Variants in MCM9 observed in about 807,000 individuals in gnomAD.
MCM9 encodes minichromosome maintenance 9 homologous recombination repair factor.
MCM9 carries 55 observed loss-of-function variants against 72.8 expected under a neutral mutation model. The observed-to-expected ratio is 0.76, with a 90% CI of 0.61 to 0.95. The LOEUF (loss-of-function observed/expected upper bound fraction) is 0.95. Among genes scored for constraint, MCM9 ranks in the 40% least tolerant of loss-of-function variants. MCM9 has a pLI of 0.00. For synonymous variants in MCM9, 480 were observed against 503.4 expected (o/e 0.95, Z 0.62); for missense variants, 1,279 against 1,377.0 (o/e 0.93, Z 1.13).
In MCM9 at chr6:118,911,643, A is replaced by G. The variant is rs777717167; in HGVS notation, c.1150+7T>C. The G allele has an allele frequency of 1.4e-5, 23 of 1,606,338 alleles. 1 individual carries two copies. The South Asian group carries it at 2.6e-4, about 18-fold the overall frequency. On this transcript the variant is annotated splice_region_variant and intron_variant, in intron 8 of 13. Transcript: ENST00000619706. ...GTTAAATTACTTGAAATTGTCACATACAATACCTGCACTAGTAGATCCAAT... is the reference window on the plus strand; with the variant it reads ...GTTAAATTACTTGAAATTGTCACATGCAATACCTGCACTAGTAGATCCAAT...
intron 8 of MCM9, among the ~76,000 whole-genome samples, chr6:118,862,743 C>T (rs1193633319): frequency 1.3e-5 from 2 of 152,140 alleles, no homozygotes; most frequent in South Asian, 4.1e-4. Flanking sequence ...CGGTTCCTAA[C>T]AGGCCATGGT....
chr6:118,826,333 C>G (rs749830858), intron 12 of MCM9, 41 bp from the exon 13 acceptor site: 4 of 1,535,556 alleles, frequency 2.6e-6, no homozygotes, highest in East Asian at 2.4e-5. Flanking sequence ...ACCAGGCCAG[C>G]CTGCATAGCG....
At chr6:118,841,948 C>T (rs1775401973) in intron 9 of MCM9, among the ~76,000 whole-genome samples, 1 of 151,926 alleles carries the variant, frequency 6.6e-6, no homozygotes, top group Non-Finnish European at 1.5e-5. Context: ...GATTCTCCTG[C>T]CTCAGCCTCC....
intron 5 of MCM9, chr6:118,918,487 G>T (rs1162048990): frequency 6.6e-6 from 1 of 152,230 alleles, no homozygotes; most frequent in Non-Finnish European, 1.5e-5. Context: ...AAGAGGCCCT[G>T]GGTAGTTTAT....
intron 8 of MCM9, among the ~76,000 whole-genome samples, chr6:118,869,599 C>CAAAAAAAAAAAAAAAAAAAAAAAAAAAAA: frequency 6.9e-5 from 4 of 58,308 alleles, no homozygotes; most frequent in Admixed American, 2.3e-4. Flanking sequence ...AAAGGATTTA[C>CAAAAAAAAAAAAAAAAAAAAAAAAAAAAA]AAAAAAAAAA....
intron 9 of MCM9, among the ~76,000 whole-genome samples, chr6:118,839,570 T>C (rs1775209176): frequency 6.6e-6 from 1 of 152,212 alleles, no homozygotes; most frequent in Non-Finnish European, 1.5e-5. Flanking sequence ...TTTATCTACC[T>C]ACAGTCTTTG....
At chr6:118,824,035 C>CTT (rs137881254) in intron 13 of MCM9, among the ~76,000 whole-genome samples, 26 of 54,338 alleles carry the variant, frequency 4.8e-4, no homozygotes, top group African/African-American at 1.9e-3. Context: ...GCAAACCCAC[C>CTT]TTTTTTTTTT....
intron 8 of MCM9, among the ~76,000 whole-genome samples, chr6:118,896,639 T>G (rs544152862): frequency 2.0e-5 from 3 of 152,298 alleles, no homozygotes; most frequent in African/African-American, 7.2e-5. Context: ...AGCATTTATT[T>G]AGTATTTTAA....
chr6:118,901,730 TA>T (rs2114525537), intron 8 of MCM9, among the ~76,000 whole-genome samples: 1 of 152,362 alleles, frequency 6.6e-6, no homozygotes, highest in African/African-American at 2.4e-5. Flanking sequence ...ATAGGTTTTT[TA>T]AAACTACTAT....
At chr6:118,837,519 C>A (rs1316335925) in intron 9 of MCM9, among the ~76,000 whole-genome samples, 3 of 152,140 alleles carry the variant, frequency 2.0e-5, no homozygotes, top group East Asian at 3.8e-4. Flanking sequence ...TTCTGTAGGT[C>A]TCTAAGAACT....
chr6:118,879,171 T>C (rs1778126621), intron 8 of MCM9, among the ~76,000 whole-genome samples: 1 of 152,022 alleles, frequency 6.6e-6, no homozygotes, highest in Admixed American at 6.6e-5. Context: ...ACATGAATCC[T>C]GCCTTGTGAG....
rs534905353 is a variant in MCM9 at position 118,826,224 on chromosome 6, G to C, written c.1884C>G (p.Tyr628Ter). The change falls in exon 13 of 14, where the codon TAC becomes TAG. Residue 628 changes from tyrosine to a stop codon, truncating the protein, a stop_gained. Transcript: ENST00000619706. LOFTEE classifies it high-confidence loss of function. ...CCAGAATAAGTTCACACTGTCTCTG[G>C]TACTGCTCTCCAGGGTTTTCAGGAA... ...TSFPENPGEQ[Y>*]QRQCELILEK... The C allele has an allele frequency of 6.4e-7, 1 of 1,550,438 alleles. No homozygotes were observed. Among genetic ancestry groups the C allele is most frequent in the African/African-American group, 1.4e-5 (1 of 73,084 alleles).
At chr6:118,900,855 G>A (rs755432972) in intron 8 of MCM9, 3 of 1,612,556 alleles carry the variant, frequency 1.9e-6, no homozygotes, top group South Asian at 1.1e-5. Context: ...TCCTGTTCCC[G>A]CAGGAAGGCA....
At chr6:118,847,128 A>G (rs1775921516) in intron 9 of MCM9, among the ~76,000 whole-genome samples, 1 of 151,894 alleles carries the variant, frequency 6.6e-6, no homozygotes, top group Non-Finnish European at 1.5e-5. Context: ...GAAGAAAGAA[A>G]TGGATGTAAA....
At chr6:118,838,159 C>CTTTTTT (rs759862698) in intron 9 of MCM9, among the ~76,000 whole-genome samples, 2 of 119,696 alleles carry the variant, frequency 1.7e-5, no homozygotes, top group African/African-American at 3.2e-5. Context: ...GTTGAAAATT[C>CTTTTTT]TTTTTTTTTT....
At chr6:118,844,175 A>AT (rs1775698908) in intron 9 of MCM9, among the ~76,000 whole-genome samples, 1 of 151,926 alleles carries the variant, frequency 6.6e-6, no homozygotes, top group African/African-American at 2.4e-5. Context: ...CTCTAGAGAC[A>AT]TTTTCTCAAG....
At chr6:118,819,545 C>T (rs1202117973) in intron 13 of MCM9, among the ~76,000 whole-genome samples, 1 of 152,164 alleles carries the variant, frequency 6.6e-6, no homozygotes, top group East Asian at 1.9e-4. Flanking sequence ...AGGATTTTCA[C>T]ATCAATGTTC....
chr6:118,825,996 G>A (rs1371041823), intron 13 of MCM9, 151 bp downstream of exon 13: 1 of 711,782 alleles, frequency 1.4e-6, no homozygotes, highest in Non-Finnish European at 2.1e-6. Flanking sequence ...AACTGAAACA[G>A]TCTCCTATAG....
In MCM9 at chr6:118,913,308, TC is replaced by T; in HGVS notation, c.1016del (p.Gly339GlufsTer36). 3 of 1,614,128 alleles carry T rather than the reference TC, an allele frequency of 1.9e-6. No individual in the cohort carries two copies. Among genetic ancestry groups the T allele is most frequent in the Non-Finnish European group, 2.5e-6 (3 of 1,179,978 alleles). On this transcript the variant is annotated frameshift_variant, in exon 7 of 14. Coordinates refer to ENST00000619706, the MANE Select transcript of MCM9 (RefSeq NM_017696.3). LOFTEE classifies it high-confidence loss of function. ...AGGIQRTDAT[G>X]TRVRGESHLL... Reference sequence around the variant, plus strand: ...ATAGGTACTAACCTCTGACCCGTGTTCCTGTAGCATCAGTCCTTTGAATCCC... The same window carrying T: ...ATAGGTACTAACCTCTGACCCGTGTTCTGTAGCATCAGTCCTTTGAATCCC...
Sources: allele counts gnomAD v4.1 joint callset (sites outside exome capture counted in the v4.1 genomes callset), GRCh38; gene constraint gnomAD v4.1.1; transcripts MANE v1.5; gene names NCBI Gene and HGNC (gene_info 2026-07-23, HGNC 2026-07-21).